DOCK2: variants seen among roughly 807,000 people sequenced by gnomAD.
The protein encoded by DOCK2 is dedicator of cytokinesis protein 2.
Under a neutral mutation model 248.9 loss-of-function variants are expected in DOCK2, and 87 were observed. The observed-to-expected ratio is 0.35, with a 90% CI of 0.29 to 0.42. DOCK2 has a LOEUF of 0.42. Among genes scored for constraint, DOCK2 ranks in the 10% least tolerant of loss-of-function variants. The pLI is 1.00. For synonymous variants in DOCK2, 805 were observed against 821.6 expected (o/e 0.98, Z 0.35); for missense variants, 1,747 against 2,300.2 (o/e 0.76, Z 4.92).
intron 9 of DOCK2, among the ~76,000 whole-genome samples, chr5:169,693,718 AC>A (rs1178591049): frequency 6.6e-6 from 1 of 152,172 alleles, no homozygotes; most frequent in Non-Finnish European, 1.5e-5. Context: ...GGTGGGATGA[AC>A]AGCCCTTGTA....
At chr5:169,676,642 G>C (rs1759350840) in intron 6 of DOCK2, among the ~76,000 whole-genome samples, 1 of 152,136 alleles carries the variant, frequency 6.6e-6, no homozygotes, top group Admixed American at 6.5e-5. Flanking sequence ...AAATCCAGGA[G>C]GCCCAGCGTC....
intron 26 of DOCK2, among the ~76,000 whole-genome samples, chr5:169,804,017 A>G (rs1355049566): frequency 2.6e-5 from 4 of 152,230 alleles, no homozygotes; most frequent in Non-Finnish European, 5.9e-5. Flanking sequence ...TCAGAGGACT[A>G]CATAGACCCA....
intron 27 of DOCK2, among the ~76,000 whole-genome samples, chr5:169,904,119 G>A (rs1214468495): frequency 6.8e-6 from 1 of 148,064 alleles, no homozygotes; most frequent in African/African-American, 2.5e-5. Flanking sequence ...AAAAGTTTAG[G>A]GGAGGAGAAG....
At chr5:169,679,404 C>A (rs879555615) in intron 6 of DOCK2, among the ~76,000 whole-genome samples, 3 of 152,168 alleles carry the variant, frequency 2.0e-5, no homozygotes, top group Non-Finnish European at 4.4e-5. Context: ...AGGACAGCCT[C>A]TCCTGCCCCT....
At chr5:170,025,196 T>C (rs1755860775) in intron 33 of DOCK2, among the ~76,000 whole-genome samples, 1 of 152,264 alleles carries the variant, frequency 6.6e-6, no homozygotes, top group Non-Finnish European at 1.5e-5. Context: ...TACTCCACAC[T>C]GTAGGTACTA....
intron 27 of DOCK2, among the ~76,000 whole-genome samples, chr5:169,922,597 C>T (rs1295605751): frequency 3.3e-5 from 5 of 152,172 alleles, no homozygotes; most frequent in African/African-American, 7.2e-5. Flanking sequence ...GAGAATATCA[C>T]CTACATTATC....
At chr5:169,804,782 A>G (rs770586599) in intron 26 of DOCK2, among the ~76,000 whole-genome samples, 11 of 152,178 alleles carry the variant, frequency 7.2e-5, no homozygotes, top group Non-Finnish European at 1.3e-4. Context: ...GGTCAGTCTG[A>G]TTCAGACTCT....
At chr5:169,774,049 C>T (rs262863) in intron 25 of DOCK2, among the ~76,000 whole-genome samples, 14 of 152,040 alleles carry the variant, frequency 9.2e-5, no homozygotes, top group African/African-American at 2.4e-4. Context: ...TTATCAGCAG[C>T]GTGAAAATGG....
chr5:169,811,097 C>T (rs1482546825), intron 26 of DOCK2, among the ~76,000 whole-genome samples: 2 of 151,892 alleles, frequency 1.3e-5, no homozygotes, highest in Non-Finnish European at 2.9e-5. Context: ...GTTAGAATCC[C>T]GATGGGAGGG....
Position 169,660,933 on chromosome 5 carries a change from T to G in DOCK2, c.127+6447T>G, listed in dbSNP as rs538564134. ...ATGTTTCATTTGCGGCATGTCTATT[T>G]GCTTTGTTGTGATGGAAATATGTTG... On this transcript the variant is annotated intron_variant, in intron 2 of 51. Coordinates refer to ENST00000520908, the MANE Select transcript of DOCK2 (RefSeq NM_004946.3). Among the ~76,000 whole-genome samples the G allele has an allele frequency of 9.1e-4, 139 of 152,150 alleles. 1 individual carries two copies. Among genetic ancestry groups the G allele is most frequent in the African/African-American group, 3.1e-3 (130 of 41,496 alleles).
intron 26 of DOCK2, among the ~76,000 whole-genome samples, chr5:169,808,254 A>G (rs985915152): frequency 6.6e-6 from 1 of 152,206 alleles, no homozygotes; most frequent in Non-Finnish European, 1.5e-5. Flanking sequence ...GGGTAGAACC[A>G]CGTGTGGAAA....
intron 27 of DOCK2, among the ~76,000 whole-genome samples, chr5:169,953,627 G>T (rs1044799252): frequency 1.3e-5 from 2 of 152,112 alleles, no homozygotes; most frequent in Non-Finnish European, 2.9e-5. Context: ...GACCTCTGTG[G>T]GCAGAAGAGT....
At chr5:170,002,731 G>A (rs995823555) in intron 30 of DOCK2, among the ~76,000 whole-genome samples, 3 of 152,124 alleles carry the variant, frequency 2.0e-5, no homozygotes, top group African/African-American at 4.8e-5. Flanking sequence ...AGTCAGAACA[G>A]ATGACACTTA....
chr5:169,858,186 A>T (rs977613949), intron 27 of DOCK2, among the ~76,000 whole-genome samples: 10 of 152,228 alleles, frequency 6.6e-5, no homozygotes, highest in African/African-American at 2.4e-4. Flanking sequence ...AATAAGCGAG[A>T]TGGCTTCCTT....
At chr5:169,728,474 C>T (rs1426625344) in intron 22 of DOCK2, among the ~76,000 whole-genome samples, 1 of 152,062 alleles carries the variant, frequency 6.6e-6, no homozygotes, top group African/African-American at 2.4e-5. Context: ...CATAGGATAA[C>T]AGGCAGAAAG....
intron 27 of DOCK2, among the ~76,000 whole-genome samples, chr5:169,952,983 A>C (rs1279395533): frequency 6.6e-6 from 1 of 152,182 alleles, no homozygotes; most frequent in Non-Finnish European, 1.5e-5. Context: ...TATTCAATAT[A>C]CTTATTTATT....
Position 170,077,798 on chromosome 5 carries a change from A to G in DOCK2, c.4955A>G (p.Asn1652Ser), listed in dbSNP as rs113216049. 5.6e-4 allele frequency: 897 copies of G among 1,613,802 alleles called. 6 individuals carry two copies. The African/African-American group carries it at 0.011, about 19-fold the overall frequency. ...TCCATCATCTCTCTGGCTTCCATGA[A>G]TTCTGACTGCAGCACCCCCAGCAAG... The part of the protein sequence containing the change: ...QMSIISLASM[N>S]SDCSTPSKPT... Residue 1652 changes from asparagine (N) to serine (S), a missense_variant, in exon 48 of 52, where the codon AAT becomes AGT. Asn to Ser is a conservative substitution (Grantham distance 46). This residue lies in a region of DOCK2 where 513 missense variants were observed against 586.1 expected (regional missense o/e 0.88). Coordinates refer to ENST00000520908, the MANE Select transcript of DOCK2 (RefSeq NM_004946.3).
At chr5:169,894,852 T>A (rs1270544866) in intron 27 of DOCK2, among the ~76,000 whole-genome samples, 1 of 152,016 alleles carries the variant, frequency 6.6e-6, no homozygotes, top group Non-Finnish European at 1.5e-5. Flanking sequence ...TTGTGGCAAA[T>A]CTCAAGTAAC....
chr5:169,713,306 G>T (rs893077314), intron 17 of DOCK2, among the ~76,000 whole-genome samples: 1 of 152,142 alleles, frequency 6.6e-6, no homozygotes. Flanking sequence ...AACAGTGTCT[G>T]CTTCATATGT....
Sources: allele counts gnomAD v4.1 joint callset (sites outside exome capture counted in the v4.1 genomes callset), GRCh38; gene constraint gnomAD v4.1.1; regional missense constraint gnomAD v4.1.1; transcripts MANE v1.5; gene names NCBI Gene and HGNC (gene_info 2026-07-23, HGNC 2026-07-21).